SPRY3: variants seen among roughly 807,000 people sequenced by gnomAD.
SPRY3 encodes the protein protein sprouty homolog 3.
In SPRY3, 15 loss-of-function variants were observed where a neutral mutation model predicts 20.2. The ratio of observed to expected loss-of-function variants is 0.74; its 90% confidence interval spans 0.50 to 1.14. The LOEUF (loss-of-function observed/expected upper bound fraction) is 1.14, where lower values mean the gene tolerates loss of function less well. Among genes scored for constraint, SPRY3 ranks in the 50% most tolerant of loss-of-function variants. The probability of loss-of-function intolerance (pLI) is 0.00; values close to 1 mark genes in which losing one functional copy is unlikely to be tolerated. For synonymous variants in SPRY3, 143 were observed against 136.5 expected (o/e 1.05, Z -0.33); for missense variants, 364 against 363.9 (o/e 1.00, Z 0.00).
At chrX:155,628,031 C>T (rs1453395993) in intron 1 of SPRY3, among the ~76,000 whole-genome samples, 1 of 111,576 alleles carries the variant, frequency 9.0e-6, no homozygotes, top group Non-Finnish European at 1.9e-5. Context: ...TGTATATGTA[C>T]CACATTTTCT....
rs781902661 is a variant in SPRY3 at position 155,648,663 on chromosome X, TGTTTTGGTACCA to T, written c.-440-8201_-440-8190del. ...GTTCTGCTCCATTGGTCTATATATC[TGTTTTGGTACCA>T]GTACCATGCTATTTTGGTTACTGTA... On this transcript the variant is annotated intron_variant, in intron 1 of 3. Transcript: ENST00000675360. 2.1e-4 allele frequency among the ~76,000 whole-genome samples: 23 copies of T among 111,993 alleles called. No homozygotes were observed. In the East Asian group the frequency reaches 5.3e-3, roughly 26 times the overall value.
chrX:155,719,524 C>T (rs1179847113), intron 2 of SPRY3, among the ~76,000 whole-genome samples: 2 of 152,090 alleles, frequency 1.3e-5, no homozygotes, highest in African/African-American at 4.8e-5. Context: ...CCCCTAACCC[C>T]TAACCCCTGG....
intron 2 of SPRY3, among the ~76,000 whole-genome samples, chrX:155,753,200 T>C (rs1360369008): frequency 2.0e-5 from 3 of 151,934 alleles, no homozygotes; most frequent in Non-Finnish European, 2.9e-5. Flanking sequence ...TCTTATACCA[T>C]AATGTTTTCA....
chrX:155,743,030 G>A (rs1438175691), intron 2 of SPRY3, among the ~76,000 whole-genome samples: 1 of 151,928 alleles, frequency 6.6e-6, no homozygotes, highest in East Asian at 1.9e-4. Context: ...ACAAAACCAG[G>A]AGCTGGTTTT....
exon 4 of SPRY3, chrX:155,774,528 T>G (rs1488942928): frequency 3.1e-6 from 5 of 1,613,878 alleles, no homozygotes; most frequent in East Asian, 2.2e-5. Flanking sequence ...GTTCTTGCTT[T>G]GTCCGCTGGG....
chrX:155,773,757 C>T lies in SPRY3; in HGVS notation c.-106-9C>T. Reference sequence around the variant, plus strand: ...TTCTCATTTACTGTTTTTATGCCTTCTCTCCTAGGATTTTCTCATGTGCCC... The same window carrying T: ...TTCTCATTTACTGTTTTTATGCCTTTTCTCCTAGGATTTTCTCATGTGCCC... On this transcript the variant is annotated splice_polypyrimidine_tract_variant and intron_variant, in intron 3 of 3. Transcript: ENST00000675360. 1 of 1,263,426 alleles carries T rather than the reference C, an allele frequency of 7.9e-7. No individual in the cohort carries two copies. The highest frequency in any genetic ancestry group is 1.1e-6 in the Non-Finnish European group (1 of 902,768). 78.3% of individuals were successfully genotyped at this position (1,263,426 alleles called of 1,614,324 possible).
intron 2 of SPRY3, among the ~76,000 whole-genome samples, chrX:155,739,401 G>A (rs2091190630): frequency 6.6e-6 from 1 of 152,232 alleles, no homozygotes; most frequent in Non-Finnish European, 1.5e-5. Flanking sequence ...GGAGAGTCTG[G>A]GTGGTTTGGA....
At chrX:155,716,873 C>A (rs1484821794) in intron 2 of SPRY3, among the ~76,000 whole-genome samples, 1 of 150,978 alleles carries the variant, frequency 6.6e-6, no homozygotes, top group African/African-American at 2.4e-5. Flanking sequence ...GTGGCTCACA[C>A]CTATAATCCC....
chrX:155,765,906 G>C lies in SPRY3; in HGVS notation c.-281-2056G>C, dbSNP rs762491349. Among the ~76,000 whole-genome samples the C allele has an allele frequency of 3.3e-5, 5 of 152,310 alleles. No individual in the cohort carries two copies. In the East Asian group the frequency reaches 9.7e-4, roughly 29 times the overall value. ...AGAGAGGTTAATTGAATTGCCTCAA[G>C]GGAGGTAGCTCCCAGGTTGAGGAGC... On this transcript the variant is annotated intron_variant, in intron 2 of 3. Transcript: ENST00000675360.
chrX:155,767,503 T>G (rs1440259806), intron 2 of SPRY3, among the ~76,000 whole-genome samples: 1 of 151,492 alleles, frequency 6.6e-6, no homozygotes, highest in East Asian at 1.9e-4. Flanking sequence ...TCGGTTCATC[T>G]GTCAGATTGG....
chrX:155,754,635 G>A (rs2091276815), intron 2 of SPRY3, among the ~76,000 whole-genome samples: 2 of 151,830 alleles, frequency 1.3e-5, no homozygotes, highest in South Asian at 2.1e-4. Flanking sequence ...AAAAAATCTG[G>A]CTGGGACTTT....
intron 2 of SPRY3, among the ~76,000 whole-genome samples, chrX:155,743,414 A>G (rs2091212530): frequency 6.6e-6 from 1 of 152,094 alleles, no homozygotes; most frequent in South Asian, 2.1e-4. Flanking sequence ...ATGATGCTGA[A>G]TAAGGGCCCC....
chrX:155,703,997 A>T (rs1206878742), intron 2 of SPRY3, among the ~76,000 whole-genome samples: 1 of 151,580 alleles, frequency 6.6e-6, no homozygotes, highest in Non-Finnish European at 1.5e-5. Flanking sequence ...AATAATGCAA[A>T]CCCTCGCACT....
chrX:155,739,047 T>G (rs773186187), intron 2 of SPRY3, among the ~76,000 whole-genome samples: 2 of 152,022 alleles, frequency 1.3e-5, no homozygotes, highest in Non-Finnish European at 1.5e-5. Flanking sequence ...CTGAGATGGA[T>G]TGAGTTCCTG....
chrX:155,772,260 A>G (rs2091385468), intron 3 of SPRY3, among the ~76,000 whole-genome samples: 1 of 152,152 alleles, frequency 6.6e-6, no homozygotes, highest in African/African-American at 2.4e-5. Context: ...TTGCATGAGG[A>G]TATAGCCTCA....
chrX:155,673,646 T>A (rs965472337), intron 2 of SPRY3, among the ~76,000 whole-genome samples: 17 of 112,222 alleles, frequency 1.5e-4, no homozygotes, highest in African/African-American at 5.5e-4. Context: ...ATCTCATCCA[T>A]TTCTGCCTTG....
chrX:155,767,725 GAGGAGGAGGAGAGA>G (rs1207913810), intron 2 of SPRY3: 1 of 58,820 alleles, frequency 1.7e-5, no homozygotes, highest in African/African-American at 5.9e-5. Context: ...GGAGAAAGAG[GAGGAGGAGGAGAGA>G]GAGGAGGAGG....
intron 2 of SPRY3, among the ~76,000 whole-genome samples, chrX:155,726,058 C>T (rs1392188494): frequency 6.6e-6 from 1 of 152,024 alleles, no homozygotes; most frequent in Non-Finnish European, 1.5e-5. Context: ...CTTTATTTCT[C>T]CCTTCATTTC....
chrX:155,770,129 G>A (rs1233131943), intron 3 of SPRY3, among the ~76,000 whole-genome samples: 1 of 152,144 alleles, frequency 6.6e-6, no homozygotes, highest in Non-Finnish European at 1.5e-5. Context: ...CATTGAACCC[G>A]TGAGACTGGG....
Sources: gnomAD v4.1 joint callset for allele counts (sites outside exome capture counted in the v4.1 genomes callset) on GRCh38, gnomAD v4.1.1 for gene constraint, MANE v1.5 for transcripts, NCBI Gene and HGNC (gene_info 2026-07-23, HGNC 2026-07-21) for gene names.